The following ZFHX3 variants were observed in gnomAD, a reference collection of about 807,000 sequenced individuals.
ZFHX3 encodes zinc finger homeobox protein 3.
Under a neutral mutation model 279.1 loss-of-function variants are expected in ZFHX3, and 42 were observed. The ratio of observed to expected loss-of-function variants is 0.15; its 90% CI spans 0.12 to 0.19. ZFHX3 has a LOEUF of 0.19. Ranked by LOEUF, ZFHX3 falls within the 10% of genes least tolerant of loss-of-function variation. The pLI, the probability that ZFHX3 is intolerant of heterozygous loss-of-function variation, is 1.00. For missense variants in ZFHX3, 4,981 were observed against 4,754.0 expected (o/e 1.05, Z -1.40); for synonymous variants, 2,293 against 1,957.8 (o/e 1.17, Z -4.52).
intron 7 of ZFHX3, among the ~76,000 whole-genome samples, chr16:73,122,288 C>G (rs1476212725): frequency 6.6e-6 from 1 of 152,032 alleles, no homozygotes; most frequent in African/African-American, 2.4e-5. Flanking sequence ...TCACTGCAAC[C>G]TCCACTTCCC....
chr16:73,408,651 G>C (rs1452354172), intron 3 of ZFHX3, among the ~76,000 whole-genome samples: 1 of 152,198 alleles, frequency 6.6e-6, no homozygotes, highest in Non-Finnish European at 1.5e-5. Context: ...CCAGCTAGCT[G>C]AACTTGGGGC....
At chr16:73,154,360 C>T (rs925256219) in intron 5 of ZFHX3, among the ~76,000 whole-genome samples, 5 of 152,128 alleles carry the variant, frequency 3.3e-5, no homozygotes, top group Non-Finnish European at 5.9e-5. Flanking sequence ...TTTCCTGTTC[C>T]GTTTTTCTGT....
In ZFHX3 at chr16:73,266,919, G is replaced by C. The variant is rs186094242; in HGVS notation, c.-1193-9783C>G. Reference sequence around the variant, plus strand: ...TTCTTTATAAATTATCCAGTTTTGCGTATGTCTTTATCAGCAGCATGAAAA... The same window carrying C: ...TTCTTTATAAATTATCCAGTTTTGCCTATGTCTTTATCAGCAGCATGAAAA... On this transcript the variant is annotated intron_variant, in intron 4 of 17. Coordinates refer to the ZFHX3 transcript ENST00000641206. 1.5e-4 allele frequency among the ~76,000 whole-genome samples: 23 copies of C among 152,284 alleles called. No individual in the cohort carries two copies. In the South Asian group the frequency reaches 4.8e-3, roughly 32 times the overall value.
chr16:73,217,549 A>G (rs1307852836), intron 5 of ZFHX3, among the ~76,000 whole-genome samples: 1 of 152,188 alleles, frequency 6.6e-6, no homozygotes, highest in Non-Finnish European at 1.5e-5. Flanking sequence ...ACTTGAGAAG[A>G]CATAGAGAGG....
intron 1 of ZFHX3, among the ~76,000 whole-genome samples, chr16:73,753,428 T>C (rs542221648): frequency 6.6e-6 from 1 of 152,312 alleles, no homozygotes; most frequent in Admixed American, 6.5e-5. Flanking sequence ...CCACGGCGAT[T>C]ACCCAGAATT....
chr16:72,809,135 A>T (rs1428444000), intron 7 of ZFHX3, among the ~76,000 whole-genome samples: 2 of 152,238 alleles, frequency 1.3e-5, no homozygotes, highest in African/African-American at 4.8e-5. Context: ...TATGACAAAC[A>T]ATGAATATTT....
At chr16:73,445,784 T>C (rs916628750) in intron 3 of ZFHX3, among the ~76,000 whole-genome samples, 2 of 152,182 alleles carry the variant, frequency 1.3e-5, no homozygotes, top group South Asian at 2.1e-4. Context: ...AATTAACACC[T>C]GGGAGCAGGT....
intron 5 of ZFHX3, chr16:73,233,068 G>C (rs1290854486): frequency 8.1e-6 from 1 of 124,164 alleles, no homozygotes; most frequent in African/African-American, 3.1e-5. Context: ...TACTGGAAAA[G>C]ACAGTGAAAT....
At chr16:73,216,173 GT>G (rs1455386140) in intron 5 of ZFHX3, among the ~76,000 whole-genome samples, 1 of 152,194 alleles carries the variant, frequency 6.6e-6, no homozygotes, top group African/African-American at 2.4e-5. Context: ...GGGAAGCTTT[GT>G]TACACAGCAT....
chr16:73,058,890 GC>G, exon 1 of ZFHX3: 1 of 167,880 alleles, frequency 6.0e-6, no homozygotes, highest in Non-Finnish European at 1.2e-5. Context: ...GGCGGCAGCG[GC>G]TCTAGGCTGT....
rs776937558 is a variant in ZFHX3, at chr16:72,958,688, C to T, written c.1458G>A (p.Glu486=). ...AGAGTCCTTTGCAACCCTCGTCTTCCTCCTCCTCTTCTTCCTCCTCCTCTT... is the reference window on the plus strand; with the variant it reads ...AGAGTCCTTTGCAACCCTCGTCTTCTTCCTCCTCTTCTTCCTCCTCCTCTT... ...EEEEEEEEEE[E]EDEGCKGLFP... The change falls in exon 2 of 10, where the codon GAG becomes GAA. Residue 486 remains glutamate, a synonymous_variant. Coordinates refer to ENST00000268489, the MANE Select transcript of ZFHX3 (RefSeq NM_006885.4). The T allele has an allele frequency of 5.6e-6, 9 of 1,611,198 alleles. No individual in the cohort carries two copies. In the South Asian group the frequency reaches 8.8e-5, roughly 16 times the overall value.
Position 73,593,598 on chromosome 16 carries a change from GGGAA to G in ZFHX3, c.-1547+86578_-1547+86581del, listed in dbSNP as rs199722840. Among the ~76,000 whole-genome samples, 324 of 149,032 alleles carry G rather than the reference GGGAA, an allele frequency of 2.2e-3. 2 individuals are homozygous for G. Among genetic ancestry groups the G allele is most frequent in the East Asian group, 0.012 (56 of 4,868 alleles). On this transcript the variant is annotated intron_variant, in intron 2 of 17. Transcript: ENST00000641206. ...AAAGAAGGAGGGAGGGAGGGAGGGA[GGGAA>G]GGAAGGAAGGAAGGAAGGGAAGTGA...
chr16:73,287,064 CAGTGTGTGGCTGTGTGGGTGTGTGGGTA>C (rs2014628175), intron 4 of ZFHX3, among the ~76,000 whole-genome samples: 1 of 96,868 alleles, frequency 1.0e-5, no homozygotes, highest in African/African-American at 4.2e-5. Context: ...CTGTACGGGC[CAGTGTGTGGCTGTGTGGGTGTGTGGGTA>C]AGTGTGTGGC....
chr16:73,413,411 G>C (rs2017508647), intron 3 of ZFHX3, among the ~76,000 whole-genome samples: 1 of 152,148 alleles, frequency 6.6e-6, no homozygotes, highest in African/African-American at 2.4e-5. Flanking sequence ...GTTGGAGAGG[G>C]CTCTGGGCAC....
chr16:73,048,171 G>GGGGGCGGGCGGGGCGGGC (rs566332678), upstream of ZFHX3: 7 of 153,024 alleles, frequency 4.6e-5, no homozygotes, highest in Non-Finnish European at 8.7e-5. Context: ...CCCGGGGAAG[G>GGGGGCGGGCGGGGCGGGC]GGGGCGGGCG....
At chr16:73,761,519 T>A (rs1177392578) in intron 1 of ZFHX3, among the ~76,000 whole-genome samples, 1 of 152,208 alleles carries the variant, frequency 6.6e-6, no homozygotes, top group East Asian at 1.9e-4. Context: ...AGAGCCCATA[T>A]AGCCAAGACA....
intron 6 of ZFHX3, chr16:73,137,374 A>G (rs1314216683): frequency 6.6e-6 from 1 of 152,112 alleles, no homozygotes; most frequent in Admixed American, 6.5e-5. Context: ...GTTGAGATAC[A>G]CACTTCAGTT....
intron 8 of ZFHX3, among the ~76,000 whole-genome samples, chr16:73,073,684 A>G (rs913835753): frequency 6.6e-6 from 1 of 152,086 alleles, no homozygotes; most frequent in African/African-American, 2.4e-5. Flanking sequence ...TTTTTAGTAA[A>G]GACAGGGTTT....
At chr16:73,140,857 CAACA>C (rs1390647717) in intron 6 of ZFHX3, among the ~76,000 whole-genome samples, 1 of 152,034 alleles carries the variant, frequency 6.6e-6, no homozygotes, top group African/African-American at 2.4e-5. Flanking sequence ...GTCCCAAAAA[CAACA>C]AACAAACAAG....
Sources: gnomAD v4.1 joint callset for allele counts (sites outside exome capture counted in the v4.1 genomes callset) on GRCh38, gnomAD v4.1.1 for gene constraint, MANE v1.5 for transcripts, NCBI Gene and HGNC (gene_info 2026-07-23, HGNC 2026-07-21) for gene names.